ZNF439: variants seen among roughly 807,000 people sequenced by gnomAD.
ZNF439 encodes zinc finger protein 439.
A neutral mutation model predicts 47.3 loss-of-function variants in ZNF439; 40 were observed. That is an observed-to-expected ratio of 0.85 (90% confidence interval 0.66 to 1.10). The LOEUF (loss-of-function observed/expected upper bound fraction) is 1.10. Ranked by LOEUF, ZNF439 falls within the 50% of genes least tolerant of loss-of-function variation. The pLI, the probability that ZNF439 is intolerant of heterozygous loss-of-function variation, is 0.00. For synonymous variants in ZNF439, 171 were observed against 198.8 expected (o/e 0.86, Z 1.18); for missense variants, 556 against 601.1 (o/e 0.93, Z 0.78).
At chr19:11,856,017 A>G (rs1371988753) in intron 1 of ZNF439, 2 of 152,222 alleles carry the variant, frequency 1.3e-5, no homozygotes, top group Non-Finnish European at 2.9e-5. Context: ...TGGTGTGTCC[A>G]TCTCCTGTAG....
intron 1 of ZNF439, among the ~76,000 whole-genome samples, chr19:11,861,507 C>T (rs1013816995): frequency 3.9e-5 from 6 of 152,114 alleles, no homozygotes; most frequent in Admixed American, 2.0e-4. Flanking sequence ...GCCTGGTATA[C>T]GCTTCATCTA....
chr19:11,868,722 GA>G lies in ZNF439; in HGVS notation c.*158del. 2 of 860,048 alleles carry G rather than the reference GA, an allele frequency of 2.3e-6. No homozygotes were observed. Among genetic ancestry groups the G allele is most frequent in the East Asian group, 2.4e-5 (1 of 40,874 alleles). The allele number at this position is 860,048 out of a possible 1,614,324, so 53.3% of individuals were successfully genotyped here. A position where few individuals can be genotyped will look rare whatever the true frequency, so the allele number is the denominator to read the frequency against. On this transcript the variant is annotated 3_prime_UTR_variant, in exon 4 of 4. Transcript: ENST00000682736. ...GATATCTAAAAGGACTCACAGTGGA[GA>G]AAAACTCTATGAGTGTAAGCAATGT...
chr19:11,858,760 G>A (rs1229625562), intron 1 of ZNF439, among the ~76,000 whole-genome samples: 1 of 152,102 alleles, frequency 6.6e-6, no homozygotes, highest in East Asian at 1.9e-4. Context: ...ACACAGGTTT[G>A]TCACTGAGCC....
At chr19:11,866,439 A>C in intron 2 of ZNF439, 98 bp from the exon 3 acceptor site, 1 of 1,602,910 alleles carries the variant, frequency 6.2e-7, no homozygotes. Flanking sequence ...TTTGATGAAT[A>C]AATGAGGCAT....
intron 1 of ZNF439, chr19:11,855,973 T>C (rs1976374260): frequency 6.6e-6 from 1 of 152,240 alleles, no homozygotes; most frequent in Admixed American, 6.5e-5. Context: ...CAGTTTCCCG[T>C]TCCATGGTGG....
At chr19:11,849,032 C>G in intron 1 of ZNF439, 102 bp downstream of exon 1, 1 of 1,295,298 alleles carries the variant, frequency 7.7e-7, no homozygotes, top group Non-Finnish European at 1.0e-6. Context: ...GGACCGAGTC[C>G]TCCTAGAGCT....
intron 1 of ZNF439, among the ~76,000 whole-genome samples, chr19:11,863,151 G>GC (rs1976583260): frequency 9.0e-6 from 1 of 111,448 alleles, no homozygotes; most frequent in Admixed American, 9.1e-5. Context: ...GAAAGATTTT[G>GC]CTTTTTTTTT....
chr19:11,859,312 C>T (rs1203168115), intron 1 of ZNF439, among the ~76,000 whole-genome samples: 1 of 152,204 alleles, frequency 6.6e-6, no homozygotes, highest in Non-Finnish European at 1.5e-5. Context: ...TGCTTATAAG[C>T]AGCGTCTGGG....
rs555342866 is a variant in ZNF439 at position 11,866,583 on chromosome 19, C to T, written c.237C>T (p.Pro79=). 1 of 1,613,330 alleles carries T rather than the reference C, an allele frequency of 6.2e-7. No individual in the cohort carries two copies. The highest frequency in any genetic ancestry group is 2.2e-5 in the East Asian group (1 of 44,866). ...DQNIEYEYQN[P]RRNFRSVTEE... ...ACATTGAATATGAGTACCAAAACCC[C>T]AGGAGAAACTTCAGGTAATTTGCAC... Residue 79 remains proline, a synonymous_variant, in exon 3 of 4, where the codon CCC becomes CCT. Coordinates refer to ENST00000682736, the MANE Select transcript of ZNF439 (RefSeq NM_001348719.2).
At chr19:11,863,517 C>G (rs565536198) in intron 1 of ZNF439, among the ~76,000 whole-genome samples, 104 of 152,058 alleles carry the variant, frequency 6.8e-4, no homozygotes, top group Admixed American at 2.5e-3. Context: ...TTCTTCATAT[C>G]TTTTGGGTAC....
At chr19:11,858,431 A>C (rs1976450674) in intron 1 of ZNF439, 1 of 148,226 alleles carries the variant, frequency 6.7e-6, no homozygotes, top group Non-Finnish European at 1.5e-5. Context: ...GCACCACTGC[A>C]CTCCAGCCTG....
At chr19:11,855,547 A>C (rs1233027948) in intron 1 of ZNF439, among the ~76,000 whole-genome samples, 2 of 152,168 alleles carry the variant, frequency 1.3e-5, no homozygotes, top group African/African-American at 4.8e-5. Flanking sequence ...GGTATAATTG[A>C]TGACATTGTT....
Position 11,869,026 on chromosome 19 carries a change from T to C in ZNF439, c.*457T>C. On this transcript the variant is annotated 3_prime_UTR_variant, in exon 4 of 4. Transcript: ENST00000682736. ...CAAGCATTCAATTATTTTTCTTCCT[T>C]GCATATACATGAAAGGACTCATACG... 1.1e-5 allele frequency: 3 copies of C among 276,978 alleles called. No homozygotes were observed. The South Asian group carries it at 1.2e-4, about 11-fold the overall frequency. 17.2% of individuals were successfully genotyped at this position (276,978 alleles called of 1,614,324 possible).
chr19:11,855,374 G>A (rs753371086), intron 1 of ZNF439, among the ~76,000 whole-genome samples: 2 of 152,046 alleles, frequency 1.3e-5, no homozygotes, highest in East Asian at 1.9e-4. Context: ...CGACTGGGCC[G>A]GGAATGGTTG....
Position 11,848,921 on chromosome 19 carries a change from C to A in ZNF439, c.54C>A (p.Ser18Arg). Residue 18 changes from serine to arginine, a missense_variant, in exon 1 of 4, where the codon AGC becomes AGA. Physicochemically the swap from Ser to Arg is moderately radical, Grantham distance 110. Transcript: ENST00000682736. ...GAGAGGACCCCGGTACATCTGAAAG[C>A]CGGGAAATGGTGCGTGTGCTGGCCG... is the stretch of plus-strand genomic sequence containing the variant. ...SCREDPGTSE[S>R]REMDPVAFKD... The A allele has an allele frequency of 1.3e-6, 2 of 1,572,092 alleles. No individual in the cohort carries two copies. Among genetic ancestry groups the A allele is most frequent in the South Asian group, 2.2e-5 (2 of 90,552 alleles).
intron 3 of ZNF439, among the ~76,000 whole-genome samples, chr19:11,866,840 G>T (rs373398349): frequency 1.3e-5 from 2 of 152,216 alleles, no homozygotes; most frequent in Non-Finnish European, 2.9e-5. Flanking sequence ...AACAGCCTGC[G>T]CAACATAACA....
intron 1 of ZNF439, 118 bp downstream of exon 1, chr19:11,849,048 G>T: frequency 1.6e-6 from 2 of 1,245,098 alleles, no homozygotes; most frequent in Non-Finnish European, 2.0e-6. Context: ...GAGCTGCTCG[G>T]CCCTCGGTCC....
intron 1 of ZNF439, among the ~76,000 whole-genome samples, chr19:11,853,222 C>T (rs1205212059): frequency 1.3e-5 from 2 of 152,116 alleles, no homozygotes; most frequent in East Asian, 3.8e-4. Flanking sequence ...AGCCACCACG[C>T]CTGGCCTAAA....
chr19:11,854,074 A>G (rs1008546797), intron 1 of ZNF439, among the ~76,000 whole-genome samples: 3 of 152,236 alleles, frequency 2.0e-5, no homozygotes, highest in Non-Finnish European at 4.4e-5. Flanking sequence ...TTAAGATGAC[A>G]GCACAATTGC....
Sources: allele counts gnomAD v4.1 joint callset (sites outside exome capture counted in the v4.1 genomes callset), GRCh38; gene constraint gnomAD v4.1.1; transcripts MANE v1.5; gene names NCBI Gene and HGNC (gene_info 2026-07-23, HGNC 2026-07-21).